Variants in FOXJ3 observed in about 807,000 individuals in gnomAD.
The protein encoded by FOXJ3 is forkhead box protein J3.
In FOXJ3, 22 loss-of-function variants were observed where a neutral mutation model predicts 76.1. The observed-to-expected ratio is 0.29, with a 90% CI of 0.21 to 0.41. The LOEUF (loss-of-function observed/expected upper bound fraction) is 0.41, where lower values mean the gene tolerates loss of function less well. FOXJ3 is among the 10% of genes least tolerant of loss of function. The pLI, the probability that FOXJ3 is intolerant of heterozygous loss-of-function variation, is 1.00. For missense variants in FOXJ3, 613 were observed against 762.1 expected, an observed-to-expected ratio of 0.80 and a Z score of 2.30; for synonymous variants, 269 against 261.2, an observed-to-expected ratio of 1.03 and a Z score of -0.29.
chr1:42,236,224 T>C (rs1648617134), intron 4 of FOXJ3, among the ~76,000 whole-genome samples: 1 of 152,216 alleles, frequency 6.6e-6, no homozygotes, highest in Non-Finnish European at 1.5e-5. Flanking sequence ...GGTCTTGCTT[T>C]GGTGCCAACA....
intron 1 of FOXJ3, among the ~76,000 whole-genome samples, chr1:42,311,382 A>G (rs2124758145): frequency 6.6e-6 from 1 of 152,336 alleles, no homozygotes; most frequent in East Asian, 1.9e-4. Context: ...TATAACTGTA[A>G]CATCTAAAGA....
chr1:42,196,447 C>T (rs140299571), intron 7 of FOXJ3, among the ~76,000 whole-genome samples: 138 of 152,290 alleles, frequency 9.1e-4, no homozygotes, highest in African/African-American at 3.2e-3. Flanking sequence ...AATCCCAGCA[C>T]TTTAAGAGGC....
chr1:42,270,799 T>C (rs535555981), intron 3 of FOXJ3, among the ~76,000 whole-genome samples: 2 of 152,344 alleles, frequency 1.3e-5, no homozygotes, highest in South Asian at 4.1e-4. Flanking sequence ...AGGCACCTAA[T>C]TTAAAATCTC....
intron 4 of FOXJ3, among the ~76,000 whole-genome samples, chr1:42,262,609 G>A (rs966601413): frequency 6.6e-6 from 1 of 152,194 alleles, no homozygotes; most frequent in African/African-American, 2.4e-5. Flanking sequence ...AGCACTTTGG[G>A]AGGCCGAGGT....
chr1:42,258,994 CA>C (rs1650827022), intron 4 of FOXJ3, among the ~76,000 whole-genome samples: 1 of 152,090 alleles, frequency 6.6e-6, no homozygotes, highest in South Asian at 2.1e-4. Context: ...AATGATCATA[CA>C]ACTAACAAAA....
chr1:42,242,491 G>A (rs1318490794), intron 4 of FOXJ3, among the ~76,000 whole-genome samples: 6 of 149,840 alleles, frequency 4.0e-5, no homozygotes, highest in Non-Finnish European at 5.9e-5. Context: ...TGAGAGCTTC[G>A]ACAATAGACT....
At chr1:42,244,666 G>A (rs77644942) in intron 4 of FOXJ3, among the ~76,000 whole-genome samples, 2 of 143,344 alleles carry the variant, frequency 1.4e-5, no homozygotes, top group Admixed American at 6.9e-5. Context: ...AAAAAAAAAA[G>A]AGAGAAGACC....
rs1407518961 is a variant in FOXJ3, at chr1:42,177,281, C to A, written c.*2429G>T. ...AAGTTTAAATTCTCATAAAAATATTCATCACTGCAAATCAGTAAATGATTG... is the reference window on the plus strand; with the variant it reads ...AAGTTTAAATTCTCATAAAAATATTAATCACTGCAAATCAGTAAATGATTG... On this transcript the variant is annotated 3_prime_UTR_variant, in exon 13 of 13. Coordinates refer to ENST00000361346, the MANE Select transcript of FOXJ3 (RefSeq NM_014947.5). 6.6e-6 allele frequency: 1 copy of A among 152,638 alleles called. No homozygotes were observed. The highest frequency in any genetic ancestry group is 1.9e-4 in the East Asian group (1 of 5,202). 9.5% of individuals were successfully genotyped at this position (152,638 alleles called of 1,614,324 possible). A position where few individuals can be genotyped will look rare whatever the true frequency, so the allele number is the denominator to read the frequency against.
At chr1:42,181,043 G>A (rs1227262564) in intron 12 of FOXJ3, among the ~76,000 whole-genome samples, 1 of 152,162 alleles carries the variant, frequency 6.6e-6, no homozygotes, top group Non-Finnish European at 1.5e-5. Context: ...CTTCCTCACT[G>A]CTGTCTGCCA....
intron 1 of FOXJ3, among the ~76,000 whole-genome samples, chr1:42,324,603 G>A (rs908142498): frequency 9.9e-5 from 15 of 151,956 alleles, no homozygotes; most frequent in Non-Finnish European, 1.6e-4. Flanking sequence ...AAACCTAGAT[G>A]GTAGAGCCTA....
chr1:42,203,865 G>A (rs1403074991), intron 6 of FOXJ3, among the ~76,000 whole-genome samples: 1 of 151,924 alleles, frequency 6.6e-6, no homozygotes, highest in Middle Eastern at 3.4e-3. Context: ...GCGCAGTGGT[G>A]GGCACCTGTA....
At chr1:42,275,414 G>A (rs529797785) in intron 3 of FOXJ3, among the ~76,000 whole-genome samples, 17 of 152,280 alleles carry the variant, frequency 1.1e-4, no homozygotes, top group African/African-American at 4.1e-4. Flanking sequence ...GTGCAGGGAC[G>A]AAAGAAAGCA....
At chr1:42,194,146 G>T (rs1646605042) in intron 8 of FOXJ3, among the ~76,000 whole-genome samples, 1 of 152,148 alleles carries the variant, frequency 6.6e-6, no homozygotes, top group Non-Finnish European at 1.5e-5. Context: ...AAAACATGGG[G>T]TGTAAATAGT....
chr1:42,243,413 T>C (rs1276654842), intron 4 of FOXJ3, among the ~76,000 whole-genome samples: 4 of 152,070 alleles, frequency 2.6e-5, no homozygotes, highest in Non-Finnish European at 5.9e-5. Flanking sequence ...TCCTCACATA[T>C]CCATAACAAC....
At chr1:42,248,201 C>T (rs1367354395) in intron 4 of FOXJ3, among the ~76,000 whole-genome samples, 1 of 152,124 alleles carries the variant, frequency 6.6e-6, no homozygotes, top group Non-Finnish European at 1.5e-5. Context: ...GATTGCACAA[C>T]TTTGCAATTA....
chr1:42,272,896 T>C (rs116788575), intron 3 of FOXJ3, among the ~76,000 whole-genome samples: 2,898 of 152,310 alleles, frequency 0.019, 38 homozygotes, highest in Middle Eastern at 0.054. Flanking sequence ...CAAGCCACTA[T>C]AACCAAGTGC....
chr1:42,268,520 T>A (rs1383056241), intron 3 of FOXJ3, among the ~76,000 whole-genome samples: 1 of 152,018 alleles, frequency 6.6e-6, no homozygotes, highest in Admixed American at 6.6e-5. Flanking sequence ...AAGGTAGATT[T>A]AATGCTTTAA....
intron 11 of FOXJ3, among the ~76,000 whole-genome samples, chr1:42,185,175 A>G (rs1198271357): frequency 6.6e-6 from 1 of 152,028 alleles, no homozygotes; most frequent in African/African-American, 2.4e-5. Flanking sequence ...CATCTTTCCA[A>G]GAGAAGTATG....
intron 4 of FOXJ3, among the ~76,000 whole-genome samples, chr1:42,245,933 A>C (rs1649518180): frequency 6.6e-6 from 1 of 152,164 alleles, no homozygotes; most frequent in South Asian, 2.1e-4. Context: ...TCCCCCAAAA[A>C]ACTCAATGGT....
Sources: gnomAD v4.1 joint callset for allele counts (sites outside exome capture counted in the v4.1 genomes callset) on GRCh38, gnomAD v4.1.1 for gene constraint, MANE v1.5 for transcripts, NCBI Gene and HGNC (gene_info 2026-07-23, HGNC 2026-07-21) for gene names.